Variants in CACNA1A observed in about 807,000 individuals in gnomAD.
The protein encoded by CACNA1A is voltage-dependent P/Q-type calcium channel subunit alpha-1A.
Under a neutral mutation model 262.4 loss-of-function variants are expected in CACNA1A, and 57 were observed. The ratio of observed to expected loss-of-function variants is 0.22; its 90% CI spans 0.18 to 0.27. The LOEUF (loss-of-function observed/expected upper bound fraction) is 0.27, where lower values mean the gene tolerates loss of function less well. CACNA1A is among the 10% of genes least tolerant of loss of function. CACNA1A has a pLI of 1.00. For missense variants in CACNA1A, 2,526 were observed against 3,562.8 expected (o/e 0.71, Z 7.41); for synonymous variants, 1,431 against 1,419.3 (o/e 1.01, Z -0.18).
chr19:13,482,742 G>GAAAGGT (rs1461183358), intron 1 of CACNA1A, among the ~76,000 whole-genome samples: 1 of 152,002 alleles, frequency 6.6e-6, no homozygotes, highest in Non-Finnish European at 1.5e-5. Flanking sequence ...GGGCTCACTG[G>GAAAGGT]GCTCCCAGCC....
rs372763519 is a variant in CACNA1A at position 13,448,016 on chromosome 19, T to C, written c.539+4860A>G. 7.9e-4 allele frequency among the ~76,000 whole-genome samples: 119 copies of C among 150,872 alleles called. No individual in the cohort carries two copies. The South Asian group carries it at 8.0e-3, about 10-fold the overall frequency. On this transcript the variant is annotated intron_variant, in intron 3 of 46. Transcript: ENST00000360228. The stretch of plus-strand genomic sequence containing the variant: ...TCAAGCTGATCAAGTTGATGCTCAA[T>C]ATTAACCATCACACTGCTCAATAAT...
At chr19:13,394,347 G>A in intron 3 of CACNA1A, among the ~76,000 whole-genome samples, 1 of 151,972 alleles carries the variant, frequency 6.6e-6, no homozygotes, top group Admixed American at 6.5e-5. Context: ...ATTTCTCAAA[G>A]TCAGAGGGTA....
intron 10 of CACNA1A, 46 bp from the exon 11 acceptor site, chr19:13,317,367 A>G: frequency 6.7e-7 from 1 of 1,497,362 alleles, no homozygotes; most frequent in Middle Eastern, 2.2e-4. Context: ...CTGTTCCTTC[A>G]GAAGAAATTA....
chr19:13,232,462 T>G (rs2055700296), intron 34 of CACNA1A, among the ~76,000 whole-genome samples: 1 of 152,100 alleles, frequency 6.6e-6, no homozygotes. Context: ...CTGGGCGCGG[T>G]GGCTCACACC....
intron 6 of CACNA1A, among the ~76,000 whole-genome samples, chr19:13,350,222 C>T (rs1015857607): frequency 6.6e-6 from 1 of 152,182 alleles, no homozygotes; most frequent in African/African-American, 2.4e-5. Context: ...AGCAGAGCCT[C>T]TCAACCTCAG....
intron 12 of CACNA1A, 52 bp downstream of exon 12, chr19:13,312,617 T>A (rs1217497588): frequency 6.5e-6 from 7 of 1,073,632 alleles, no homozygotes; most frequent in Non-Finnish European, 9.7e-6. Flanking sequence ...CAGGTATCTG[T>A]CATTCCAGGC....
Position 13,263,030 on chromosome 19 carries a change from C to T in CACNA1A, c.3990-197G>A, listed in dbSNP as rs547701822. 2.0e-4 allele frequency: 113 copies of T among 578,146 alleles called. No individual in the cohort carries two copies. In the South Asian group the frequency reaches 2.0e-3, roughly 10 times the overall value. The allele number at this position is 578,146 out of a possible 1,614,324, so 35.8% of individuals were successfully genotyped here. The stretch of plus-strand genomic sequence containing the variant: ...GCTTGGGCTCGGGAGCCAGTAAGTA[C>T]GTGGCTTTTTGTGGTTCTGGTCCCA... On this transcript the variant is annotated intron_variant, in intron 24 of 46. Coordinates refer to ENST00000360228, the MANE Select transcript of CACNA1A (RefSeq NM_001127222.2).
chr19:13,310,191 C>T lies in CACNA1A; in HGVS notation c.1669-1663G>A, dbSNP rs1352467623. On this transcript the variant is annotated intron_variant, in intron 12 of 46. Transcript: ENST00000360228. ...CAGTTTAAGGCGGGGCGTGGTGGCT[C>T]ACGCTTGTAATCCCAGCACTTTGGG... Among the ~76,000 whole-genome samples, 3 of 151,776 alleles carry T rather than the reference C, an allele frequency of 2.0e-5. 1 individual carries two copies. Among genetic ancestry groups the T allele is most frequent in the African/African-American group, 7.3e-5 (3 of 41,284 alleles).
intron 5 of CACNA1A, among the ~76,000 whole-genome samples, chr19:13,361,687 C>A (rs2059113741): frequency 2.0e-5 from 3 of 152,176 alleles, no homozygotes; most frequent in Admixed American, 1.3e-4. Context: ...ATAGAAACTC[C>A]AAGTCTAGCC....
chr19:13,281,781 T>C (rs2057298783), intron 22 of CACNA1A, among the ~76,000 whole-genome samples: 1 of 152,242 alleles, frequency 6.6e-6, no homozygotes, highest in African/African-American at 2.4e-5. Flanking sequence ...CACAGTGTTC[T>C]TGTAGAGAAG....
chr19:13,307,121 C>T (rs890944125), intron 15 of CACNA1A, among the ~76,000 whole-genome samples: 15 of 152,002 alleles, frequency 9.9e-5, no homozygotes, highest in Admixed American at 2.6e-4. Context: ...CCATGCCCAG[C>T]TAATTATTAT....
intron 18 of CACNA1A, 76 bp downstream of exon 18, chr19:13,300,474 G>T: frequency 9.6e-7 from 1 of 1,038,816 alleles, no homozygotes; most frequent in Non-Finnish European, 1.5e-6. Context: ...CACCCCCACT[G>T]CTTCCCAAAT....
intron 10 of CACNA1A, among the ~76,000 whole-genome samples, chr19:13,320,823 T>C (rs997481714): frequency 6.6e-6 from 1 of 152,154 alleles, no homozygotes; most frequent in Non-Finnish European, 1.5e-5. Flanking sequence ...AGATGTTTTA[T>C]TCAACCCAAT....
chr19:13,400,622 T>C (rs2059884078), intron 3 of CACNA1A, among the ~76,000 whole-genome samples: 1 of 152,184 alleles, frequency 6.6e-6, no homozygotes, highest in Non-Finnish European at 1.5e-5. Context: ...TCTAGAACAG[T>C]GACTCTCAAC....
chr19:13,413,554 A>G (rs114500021), intron 3 of CACNA1A, among the ~76,000 whole-genome samples: 6,574 of 134,536 alleles, frequency 0.049, 543 homozygotes, highest in African/African-American at 0.17. Flanking sequence ...CCTGAGTGAC[A>G]GAGCAAGGTC....
chr19:13,208,716 C>T (rs755189159), intron 46 of CACNA1A, 40 bp downstream of exon 46: 39 of 1,532,454 alleles, frequency 2.5e-5, no homozygotes, highest in African/African-American at 9.6e-5. Flanking sequence ...CCCCGCCTCC[C>T]GGCCGAGCCC....
chr19:13,325,463 G>T (rs1264923955), intron 10 of CACNA1A, among the ~76,000 whole-genome samples: 1 of 152,100 alleles, frequency 6.6e-6, no homozygotes, highest in Non-Finnish European at 1.5e-5. Flanking sequence ...ATTCTTTACA[G>T]AAATAAATAA....
rs573024762 is a variant in CACNA1A, at chr19:13,423,303, T to C, written c.539+29573A>G. Among the ~76,000 whole-genome samples, 40 of 152,304 alleles carry C rather than the reference T, an allele frequency of 2.6e-4. 2 individuals carry two copies. In the South Asian group the frequency reaches 5.4e-3, roughly 20 times the overall value. On this transcript the variant is annotated intron_variant, in intron 3 of 46. Transcript: ENST00000360228. ...GCAATCAGCACGTGGTGTGCTTTTA[T>C]GGCAGAGTGCGTGATGGAGGGCTAG... is the stretch of plus-strand genomic sequence containing the variant.
In CACNA1A at chr19:13,280,344, T is replaced by TA. The variant is rs1185734187; in HGVS notation, c.3822+2922dup. On this transcript the variant is annotated intron_variant, in intron 22 of 46. Transcript: ENST00000360228. ...GTGTGCACCACCACGCTCGGTTAAT[T>TA]AAAAAAAAAAAAATTTTTTTTTTTT... Among the ~76,000 whole-genome samples the TA allele has an allele frequency of 8.0e-3, 1,165 of 145,660 alleles. 16 individuals are homozygous for TA. The highest frequency in any genetic ancestry group is 0.028 in the African/African-American group (1,088 of 39,318).
Sources: gnomAD v4.1 joint callset for allele counts (sites outside exome capture counted in the v4.1 genomes callset) on GRCh38, gnomAD v4.1.1 for gene constraint, MANE v1.5 for transcripts, NCBI Gene and HGNC (gene_info 2026-07-23, HGNC 2026-07-21) for gene names.